The following ZNF385B variants were observed in gnomAD, a reference collection of about 807,000 sequenced individuals.
ZNF385B encodes zinc finger protein 533.
A neutral mutation model predicts 39.2 loss-of-function variants in ZNF385B; 23 were observed. The observed-to-expected ratio is 0.59, with a 90% CI of 0.42 to 0.83. The LOEUF is 0.83. Among genes scored for constraint, ZNF385B ranks in the 40% least tolerant of loss-of-function variants. The probability of loss-of-function intolerance (pLI) is 0.00; values close to 1 mark genes in which losing one functional copy is unlikely to be tolerated. For synonymous variants in ZNF385B, 205 were observed against 222.6 expected (o/e 0.92, Z 0.70); for missense variants, 552 against 598.9 (o/e 0.92, Z 0.82).
intron 6 of ZNF385B, among the ~76,000 whole-genome samples, chr2:179,469,002 A>C (rs1231947218): frequency 6.6e-6 from 1 of 152,258 alleles, no homozygotes; most frequent in Non-Finnish European, 1.5e-5. Flanking sequence ...ATTTAAATTC[A>C]ATCTGCAGCC....
In ZNF385B at chr2:179,562,258, C is replaced by T. The variant is rs548249583; in HGVS notation, c.299-17289G>A. ...AAGATACCATTAGACAAAGGAGTTG[C>T]AAAATTAGCAAATTCTATTTGTCTT... On this transcript the variant is annotated intron_variant, in intron 3 of 9. Coordinates refer to ENST00000410066, the MANE Select transcript of ZNF385B (RefSeq NM_152520.6). 3.2e-5 allele frequency: 18 copies of T among 554,670 alleles called. No individual in the cohort carries two copies. In the African/African-American group the frequency reaches 3.5e-4, roughly 11 times the overall value. 34.4% of individuals were successfully genotyped at this position (554,670 alleles called of 1,614,324 possible). A position where few individuals can be genotyped will look rare whatever the true frequency, so the allele number is the denominator to read the frequency against.
chr2:179,540,883 T>C lies in ZNF385B; in HGVS notation c.441+3944A>G, dbSNP rs188982094. 2.2e-3 allele frequency among the ~76,000 whole-genome samples: 330 copies of C among 152,208 alleles called. 5 individuals are homozygous for C. The highest frequency in any genetic ancestry group is 2.8e-3 in the Non-Finnish European group (190 of 68,010). The stretch of plus-strand genomic sequence containing the variant: ...CACAGAAGACTTTCTGGGAAGGAGG[T>C]GATATCTAAGTTGAACTTTGAATGA... On this transcript the variant is annotated intron_variant, in intron 4 of 9. Transcript: ENST00000410066.
At chr2:179,471,946 A>G (rs1300126683) in intron 6 of ZNF385B, among the ~76,000 whole-genome samples, 1 of 152,206 alleles carries the variant, frequency 6.6e-6, no homozygotes, top group Non-Finnish European at 1.5e-5. Flanking sequence ...TACTTTAAGT[A>G]ATTCCCCTAG....
chr2:179,849,083 C>T (rs1040119556), intron 1 of ZNF385B, among the ~76,000 whole-genome samples: 3 of 152,072 alleles, frequency 2.0e-5, no homozygotes, highest in Non-Finnish European at 4.4e-5. Context: ...TGCCTAAGGC[C>T]GTACAGCAGG....
At chr2:179,787,998 A>G (rs902999453) in intron 1 of ZNF385B, among the ~76,000 whole-genome samples, 1 of 152,188 alleles carries the variant, frequency 6.6e-6, no homozygotes, top group Non-Finnish European at 1.5e-5. Context: ...AAGTCACAGA[A>G]GTTGTATTAA....
At chr2:179,519,146 C>T (rs1056117058) in intron 4 of ZNF385B, among the ~76,000 whole-genome samples, 1 of 152,050 alleles carries the variant, frequency 6.6e-6, no homozygotes, top group African/African-American at 2.4e-5. Context: ...CTATGCCCAG[C>T]TAAAAATGTT....
chr2:179,759,996 A>C (rs1000143713), intron 3 of ZNF385B, among the ~76,000 whole-genome samples: 6 of 152,088 alleles, frequency 3.9e-5, no homozygotes, highest in African/African-American at 1.4e-4. Context: ...ATGCAGTTGT[A>C]AGAAATTATG....
chr2:179,604,291 T>A (rs1688629079), intron 3 of ZNF385B, among the ~76,000 whole-genome samples: 1 of 152,084 alleles, frequency 6.6e-6, no homozygotes, highest in South Asian at 2.1e-4. Context: ...AATAAAAAAC[T>A]TTAAAGTATA....
In ZNF385B at chr2:179,575,741, A is replaced by G. The variant is rs989426591; in HGVS notation, c.299-30772T>C. 3.9e-5 allele frequency among the ~76,000 whole-genome samples: 6 copies of G among 152,186 alleles called. No homozygotes were observed. In the South Asian group the frequency reaches 6.2e-4, roughly 16 times the overall value. On this transcript the variant is annotated intron_variant, in intron 3 of 9. Transcript: ENST00000410066. ...TCTCTCTACCAAAATTTCTGCATGA[A>G]GAATAAGTGGTAGTTATGCCCAAGT...
At chr2:179,578,877 C>T (rs1174228409) in intron 3 of ZNF385B, among the ~76,000 whole-genome samples, 1 of 152,120 alleles carries the variant, frequency 6.6e-6, no homozygotes, top group African/African-American at 2.4e-5. Context: ...ATTTGACCTC[C>T]TCTATGAAAT....
chr2:179,612,418 T>C (rs984339002), intron 3 of ZNF385B, among the ~76,000 whole-genome samples: 3 of 152,098 alleles, frequency 2.0e-5, no homozygotes, highest in African/African-American at 7.2e-5. Context: ...AAGTTTTTGG[T>C]CTCTGCAGCC....
chr2:179,687,768 A>G (rs919311421), intron 3 of ZNF385B, among the ~76,000 whole-genome samples: 11 of 152,240 alleles, frequency 7.2e-5, no homozygotes, highest in African/African-American at 2.7e-4. Flanking sequence ...ATCTTCATGC[A>G]TAAAATAGTA....
Position 179,474,271 on chromosome 2 carries a change from T to C in ZNF385B, c.715+9001A>G, listed in dbSNP as rs115051735. 6.5e-3 allele frequency among the ~76,000 whole-genome samples: 992 copies of C among 152,236 alleles called. 14 individuals are homozygous for C. Among genetic ancestry groups the C allele is most frequent in the African/African-American group, 0.022 (930 of 41,522 alleles). ...CCTTCATCCAGATGTAGTGAGTATATGTATAATGGTAGTAAGTTTGATGGA... is the reference window on the plus strand; with the variant it reads ...CCTTCATCCAGATGTAGTGAGTATACGTATAATGGTAGTAAGTTTGATGGA... On this transcript the variant is annotated intron_variant, in intron 6 of 9. Coordinates refer to ENST00000410066, the MANE Select transcript of ZNF385B (RefSeq NM_152520.6).
At chr2:179,453,627 G>T (rs1431520165) in intron 6 of ZNF385B, among the ~76,000 whole-genome samples, 1 of 152,116 alleles carries the variant, frequency 6.6e-6, no homozygotes, top group Non-Finnish European at 1.5e-5. Flanking sequence ...GAGCAAGAAA[G>T]GTAAGAAGGA....
chr2:179,671,227 T>C (rs1305686650), intron 3 of ZNF385B, among the ~76,000 whole-genome samples: 1 of 152,218 alleles, frequency 6.6e-6, no homozygotes, highest in Non-Finnish European at 1.5e-5. Context: ...GCTTTTCTTA[T>C]GCTCCTCCCG....
intron 3 of ZNF385B, among the ~76,000 whole-genome samples, chr2:179,693,033 C>G (rs147659444): frequency 1.8e-3 from 272 of 152,338 alleles, no homozygotes; most frequent in Middle Eastern, 0.01. Flanking sequence ...TTGGACTTCA[C>G]TCAAGAACTA....
chr2:179,536,756 C>G (rs1162904277), intron 4 of ZNF385B, among the ~76,000 whole-genome samples: 1 of 152,038 alleles, frequency 6.6e-6, no homozygotes, highest in Non-Finnish European at 1.5e-5. Context: ...TGTAGACATG[C>G]AGTAAATGGT....
chr2:179,656,658 T>A (rs1693795678), intron 3 of ZNF385B, among the ~76,000 whole-genome samples: 1 of 152,200 alleles, frequency 6.6e-6, no homozygotes, highest in Non-Finnish European at 1.5e-5. Flanking sequence ...CAGCAGTGTT[T>A]CTCAACCTTT....
chr2:179,583,165 T>C (rs1455802396), intron 3 of ZNF385B, among the ~76,000 whole-genome samples: 1 of 152,106 alleles, frequency 6.6e-6, no homozygotes, highest in Non-Finnish European at 1.5e-5. Context: ...GCTTGCCACA[T>C]AGACATGACA....
Sources: allele counts gnomAD v4.1 joint callset (sites outside exome capture counted in the v4.1 genomes callset), GRCh38; gene constraint gnomAD v4.1.1; transcripts MANE v1.5; gene names NCBI Gene and HGNC (gene_info 2026-07-23, HGNC 2026-07-21).